The following POU2F1 variants were observed in gnomAD, a reference collection of about 807,000 sequenced individuals.
POU2F1 encodes POU domain, class 2, transcription factor 1.
A neutral mutation model predicts 84.9 loss-of-function variants in POU2F1; 16 were observed. The observed-to-expected ratio is 0.19, with a 90% CI of 0.13 to 0.29. The LOEUF is 0.29. Ranked by LOEUF, POU2F1 falls within the 10% of genes least tolerant of loss-of-function variation. POU2F1 has a pLI of 1.00. For missense variants in POU2F1, 738 were observed against 942.6 expected (o/e 0.78, Z 2.84); for synonymous variants, 368 against 368.3 (o/e 1.00, Z 0.01).
intron 1 of POU2F1, among the ~76,000 whole-genome samples, chr1:167,298,911 C>T (rs1259490784): frequency 2.0e-5 from 3 of 152,058 alleles, no homozygotes; most frequent in African/African-American, 7.2e-5. Flanking sequence ...TGCCTGTAAT[C>T]CCAGCACTTT....
At chr1:167,406,640 T>G (rs1316781858) in intron 13 of POU2F1, among the ~76,000 whole-genome samples, 1 of 152,200 alleles carries the variant, frequency 6.6e-6, no homozygotes, top group African/African-American at 2.4e-5. Context: ...AAAAGGTATC[T>G]AGGACTAATC....
chr1:167,341,509 A>AC (rs1044938449), intron 2 of POU2F1, among the ~76,000 whole-genome samples: 4 of 151,432 alleles, frequency 2.6e-5, no homozygotes, highest in Admixed American at 6.6e-5. Context: ...GAGTTCCCTG[A>AC]CCCCCCTTGC....
chr1:167,331,381 T>G (rs985479029), intron 1 of POU2F1, among the ~76,000 whole-genome samples: 2 of 152,050 alleles, frequency 1.3e-5, no homozygotes, highest in Admixed American at 6.6e-5. Context: ...GATTTTCTAG[T>G]TAGATGTTTA....
intron 1 of POU2F1, among the ~76,000 whole-genome samples, chr1:167,229,806 T>C (rs868369279): frequency 6.6e-6 from 1 of 152,322 alleles, no homozygotes; most frequent in South Asian, 2.1e-4. Context: ...GCAGCCAGCA[T>C]CTTAGGAGGA....
rs1187844604 is a variant in POU2F1 at position 167,356,163 on chromosome 1, CTT to C, written c.128-9287_128-9286del. Among the ~76,000 whole-genome samples the C allele has an allele frequency of 3.7e-3, 480 of 129,798 alleles. 5 individuals are homozygous for C. Among genetic ancestry groups the C allele is most frequent in the Middle Eastern group, 0.016 (4 of 256 alleles). The allele number at this position is 129,798 out of a possible 152,430, so 85.2% of individuals were successfully genotyped here. Reference sequence around the variant, plus strand: ...CCACGCCTAGCTAATTTTTCTTTTTCTTTTTTTTTTTTTTTTTTCTTGTAGAG... The same window carrying C: ...CCACGCCTAGCTAATTTTTCTTTTTCTTTTTTTTTTTTTTTTCTTGTAGAG... On this transcript the variant is annotated intron_variant, in intron 2 of 15. Coordinates refer to ENST00000367866, the MANE Select transcript of POU2F1 (RefSeq NM_002697.4).
chr1:167,223,990 C>A (rs980842933), intron 1 of POU2F1, among the ~76,000 whole-genome samples: 1 of 152,078 alleles, frequency 6.6e-6, no homozygotes, highest in Non-Finnish European at 1.5e-5. Context: ...TATTTCGGGT[C>A]AATTTCCTTT....
chr1:167,386,961 G>A (rs4507986), intron 8 of POU2F1, among the ~76,000 whole-genome samples: 111,632 of 152,114 alleles, frequency 0.73, 41,138 homozygotes, highest in East Asian at 0.87. Context: ...AACTGCTACT[G>A]CAATTAGTAG....
chr1:167,259,861 T>C (rs915296055), intron 1 of POU2F1, among the ~76,000 whole-genome samples: 8 of 152,180 alleles, frequency 5.3e-5, no homozygotes, highest in African/African-American at 1.9e-4. Flanking sequence ...TATCTTTTCA[T>C]ATGCTTATTG....
At chr1:167,381,827 C>G (rs1004769766) in intron 7 of POU2F1, among the ~76,000 whole-genome samples, 1 of 151,496 alleles carries the variant, frequency 6.6e-6, no homozygotes, top group African/African-American at 2.4e-5. Flanking sequence ...CCAGGCTGGT[C>G]TTGAACTCCT....
At chr1:167,284,931 CAG>C (rs1653412531) in intron 1 of POU2F1, among the ~76,000 whole-genome samples, 1 of 152,150 alleles carries the variant, frequency 6.6e-6, no homozygotes, top group African/African-American at 2.4e-5. Context: ...GCAAGTATAA[CAG>C]AATAACTTGT....
chr1:167,338,066 A>G (rs571897523), intron 2 of POU2F1: 1 of 448,210 alleles, frequency 2.2e-6, no homozygotes, highest in South Asian at 1.6e-5. Context: ...TGAAAAAGCA[A>G]AAAAGTCAGA....
chr1:167,224,163 T>C (rs1648448123), intron 1 of POU2F1, among the ~76,000 whole-genome samples: 1 of 152,236 alleles, frequency 6.6e-6, no homozygotes, highest in Admixed American at 6.5e-5. Context: ...TTTAATGCTA[T>C]TGTAAAAATT....
At chr1:167,236,409 C>A (rs7537259) in intron 1 of POU2F1, among the ~76,000 whole-genome samples, 149,597 of 152,232 alleles carry the variant, frequency 0.98, 73,555 homozygotes, top group East Asian at 1. Flanking sequence ...CCGACATCTT[C>A]TTATTAAATT....
At chr1:167,227,127 G>A (rs908115022) in intron 1 of POU2F1, among the ~76,000 whole-genome samples, 2 of 152,014 alleles carry the variant, frequency 1.3e-5, no homozygotes, top group Non-Finnish European at 1.5e-5. Flanking sequence ...ACATTTATCC[G>A]GAGAGGATAC....
In POU2F1 at chr1:167,415,664, G is replaced by T; in HGVS notation, c.2155G>T (p.Ala719Ser). ...TSNPVSLVSA[A>S]AASAGNSAPV... ...CAACCCTGTTAGCTTGGTCTCTGCC[G>T]CCGCAGCATCTGCAGGGAACTCTGC... Residue 719 changes from alanine (A) to serine (S), a missense_variant, in exon 16 of 16, where the codon GCC becomes TCC. Ala to Ser is a moderately conservative substitution (Grantham distance 99). Around this residue, in one of 4 missense-constraint regions of POU2F1, gnomAD observed 319 missense variants for 386.0 expected, o/e 0.83. Transcript: ENST00000367866. 6.2e-7 allele frequency: 1 copy of T among 1,614,128 alleles called. No homozygotes were observed. The highest frequency in any genetic ancestry group is 8.5e-7 in the Non-Finnish European group (1 of 1,180,010).
intron 1 of POU2F1, among the ~76,000 whole-genome samples, chr1:167,330,855 G>A (rs538818369): frequency 1.9e-3 from 286 of 152,148 alleles, no homozygotes; most frequent in African/African-American, 6.6e-3. Flanking sequence ...CTCTTTTTAT[G>A]AATGTTAACT....
In POU2F1 at chr1:167,365,451, T is replaced by C. The variant is rs376519310; in HGVS notation, c.128-16T>C. 18 of 1,527,462 alleles carry C rather than the reference T, an allele frequency of 1.2e-5. No homozygotes were observed. Among genetic ancestry groups the C allele is most frequent in the Non-Finnish European group, 1.5e-5 (17 of 1,132,290 alleles). 94.6% of individuals were successfully genotyped at this position (1,527,462 alleles called of 1,614,324 possible). A position where few individuals can be genotyped will look rare whatever the true frequency, so the allele number is the denominator to read the frequency against. ...TATTTCTTTTAATAGTTGAAATTAT[T>C]TTGCTTGCTTTCTAGGCACACAAAC... On this transcript the variant is annotated splice_polypyrimidine_tract_variant and intron_variant, in intron 2 of 15. Coordinates refer to ENST00000367866, the MANE Select transcript of POU2F1 (RefSeq NM_002697.4).
chr1:167,404,938 A>G (rs1207550534), intron 13 of POU2F1, among the ~76,000 whole-genome samples: 1 of 152,124 alleles, frequency 6.6e-6, no homozygotes, highest in Admixed American at 6.6e-5. Context: ...TTGGAATAGG[A>G]TTTTAGAAAT....
At chr1:167,251,109 T>A (rs1650694063) in intron 1 of POU2F1, among the ~76,000 whole-genome samples, 2 of 152,168 alleles carry the variant, frequency 1.3e-5, no homozygotes, top group African/African-American at 2.4e-5. Flanking sequence ...GCTTTAAAGC[T>A]AATCTTGGGC....
Sources: gnomAD v4.1 joint callset for allele counts (sites outside exome capture counted in the v4.1 genomes callset) on GRCh38, gnomAD v4.1.1 for gene constraint, gnomAD v4.1.1 regional missense constraint, MANE v1.5 for transcripts, NCBI Gene and HGNC (gene_info 2026-07-23, HGNC 2026-07-21) for gene names.